The following RBFOX3 variants were observed in gnomAD, a reference collection of about 807,000 sequenced individuals.
The protein encoded by RBFOX3 is RNA binding fox-1 homolog 3, also known as RNA binding protein fox-1 homolog 3.
Under a neutral mutation model 48.7 loss-of-function variants are expected in RBFOX3, and 17 were observed. The ratio of observed to expected loss-of-function variants is 0.35; its 90% CI spans 0.24 to 0.52. The LOEUF is 0.52. Among genes scored for constraint, RBFOX3 ranks in the 20% least tolerant of loss-of-function variants. RBFOX3 has a pLI of 0.94. For synonymous variants in RBFOX3, 212 were observed against 209.5 expected (o/e 1.01, Z -0.10); for missense variants, 382 against 497.5 (o/e 0.77, Z 2.21).
chr17:79,184,124 G>C (rs1325916237), intron 4 of RBFOX3, among the ~76,000 whole-genome samples: 1 of 151,216 alleles, frequency 6.6e-6, no homozygotes, highest in Non-Finnish European at 1.5e-5. Flanking sequence ...GTAATCCGAG[G>C]GCATCTACGC....
chr17:79,166,006 G>A (rs985407684), intron 4 of RBFOX3, among the ~76,000 whole-genome samples: 1 of 152,222 alleles, frequency 6.6e-6, no homozygotes, highest in Non-Finnish European at 1.5e-5. Context: ...CACAGGCCCC[G>A]GGTTTACACA....
At chr17:79,504,393 T>A (rs1555778078) in intron 1 of RBFOX3, among the ~76,000 whole-genome samples, 1 of 152,190 alleles carries the variant, frequency 6.6e-6, no homozygotes, top group East Asian at 1.9e-4. Context: ...TTCCTCCTGT[T>A]CCTGCAACAA....
intron 2 of RBFOX3, among the ~76,000 whole-genome samples, chr17:79,446,305 C>T (rs1309862387): frequency 1.1e-4 from 16 of 152,222 alleles, no homozygotes; most frequent in Admixed American, 1.0e-3. Context: ...CTGCTCTAAG[C>T]AGGACATGGC....
rs2148183150 is a variant in RBFOX3 at position 79,390,709 on chromosome 17, T to C, written c.-174-82885A>G. On this transcript the variant is annotated intron_variant, in intron 2 of 14. Transcript: ENST00000693108. This position sits in a 1 kb window ranked among gnomAD's most constrained non-coding sequence, Gnocchi z 4.2. ...CCAGGCTGGTCTCGAACTCCTTATC[T>C]CAGACAATCTGCCCGTCTCGGCCTC... 6.6e-6 allele frequency among the ~76,000 whole-genome samples: 1 copy of C among 152,314 alleles called. No individual in the cohort carries two copies. Among genetic ancestry groups the C allele is most frequent in the African/African-American group, 2.4e-5 (1 of 41,568 alleles).
At chr17:79,600,945 A>C (rs1682014869) in intron 1 of RBFOX3, 1 of 152,204 alleles carries the variant, frequency 6.6e-6, no homozygotes, top group Non-Finnish European at 1.5e-5. Flanking sequence ...GAAGGAGGGG[A>C]GTGAGGAAGG....
At chr17:79,275,868 G>A (rs941766116) in intron 3 of RBFOX3, among the ~76,000 whole-genome samples, 6 of 152,202 alleles carry the variant, frequency 3.9e-5, no homozygotes, top group African/African-American at 1.2e-4. Context: ...TGTTCCATCC[G>A]TGGTATATAC....
At position 79,516,382 on chromosome 17, in the gene RBFOX3, C is replaced by T. The variant is rs916146580; in HGVS notation, c.-319-33784G>A. 3.4e-3 allele frequency among the ~76,000 whole-genome samples: 518 copies of T among 152,354 alleles called. 5 individuals carry two copies. The highest frequency in any genetic ancestry group is 0.012 in the African/African-American group (485 of 41,592). On this transcript the variant is annotated intron_variant, in intron 1 of 14. Transcript: ENST00000693108. ...TCTACCAGCATGCCCGGGCCTGCCC[C>T]CTGCCCTGGAGAACCAGGATACCCA...
rs145179963 is a variant in RBFOX3, at chr17:79,228,333, C to T, written c.-34+7433G>A. Among the ~76,000 whole-genome samples, 1,176 of 152,270 alleles carry T rather than the reference C, an allele frequency of 7.7e-3. 12 individuals carry two copies. Among genetic ancestry groups the T allele is most frequent in the Non-Finnish European group, 9.0e-3 (613 of 68,010 alleles). On this transcript the variant is annotated intron_variant, in intron 4 of 14. Coordinates refer to ENST00000693108, the MANE Select transcript of RBFOX3 (RefSeq NM_001350451.2). ...CTGCTCTCTGCACCGTGACGCCTCC[C>T]GCTCCCTGAAAACCAGGGAGAAATT... is the stretch of plus-strand genomic sequence containing the variant.
intron 3 of RBFOX3, among the ~76,000 whole-genome samples, chr17:79,276,796 G>A (rs1030985649): frequency 1.3e-5 from 2 of 152,198 alleles, no homozygotes; most frequent in Non-Finnish European, 2.9e-5. Context: ...AGCAGTCCAC[G>A]TGCATTGATT....
intron 2 of RBFOX3, among the ~76,000 whole-genome samples, chr17:79,455,659 TCA>T (rs1412374345): frequency 3.9e-5 from 6 of 152,042 alleles, no homozygotes; most frequent in Admixed American, 2.0e-4. Flanking sequence ...ACACATTCAT[TCA>T]CACACACACT....
At chr17:79,475,599 C>T (rs1209334228) in intron 2 of RBFOX3, among the ~76,000 whole-genome samples, 3 of 152,114 alleles carry the variant, frequency 2.0e-5, no homozygotes, top group Non-Finnish European at 4.4e-5. Flanking sequence ...AAGAGGTGGG[C>T]CCCGATCCAA....
intron 2 of RBFOX3, among the ~76,000 whole-genome samples, chr17:79,458,953 G>A (rs2149243528): frequency 6.6e-6 from 1 of 152,310 alleles, no homozygotes; most frequent in African/African-American, 2.4e-5. Context: ...CAGGAAGCTG[G>A]GGCACCTGCC....
intron 1 of RBFOX3, among the ~76,000 whole-genome samples, chr17:79,498,496 C>CCCATCCATCCACTCAT (rs2081905602): frequency 1.4e-5 from 2 of 145,950 alleles, no homozygotes; most frequent in Non-Finnish European, 3.0e-5. Context: ...CATAAGCCTA[C>CCCATCCATCCACTCAT]CCATCCATCC....
At chr17:79,453,942 G>A (rs1354550675) in intron 2 of RBFOX3, among the ~76,000 whole-genome samples, 1 of 152,162 alleles carries the variant, frequency 6.6e-6, no homozygotes, top group Non-Finnish European at 1.5e-5. Context: ...CTCAGCCCGG[G>A]GTGGACAGCA....
At chr17:79,184,054 C>G (rs1429467595) in intron 4 of RBFOX3, among the ~76,000 whole-genome samples, 2 of 152,240 alleles carry the variant, frequency 1.3e-5, no homozygotes, top group Non-Finnish European at 2.9e-5. Flanking sequence ...CGTCCTGTTT[C>G]GCGTTCAGAG....
intron 8 of RBFOX3, 40 bp from the exon 9 acceptor site, chr17:79,101,684 T>G: frequency 6.5e-7 from 1 of 1,530,308 alleles, no homozygotes; most frequent in Non-Finnish European, 8.9e-7. Flanking sequence ...GAGGGAGGAT[T>G]AGCCTCCTGG....
In RBFOX3 at chr17:79,271,319, A is replaced by G. The variant is rs540351159; in HGVS notation, c.-73-35514T>C. On this transcript the variant is annotated intron_variant, in intron 3 of 14. Transcript: ENST00000693108. Reference sequence around the variant, plus strand: ...TCGAATTCCTGACCTCAGATGATCCATGTGTCTTGGCCTCCCAAAGTGCTG... The same window carrying G: ...TCGAATTCCTGACCTCAGATGATCCGTGTGTCTTGGCCTCCCAAAGTGCTG... Among the ~76,000 whole-genome samples, 369 of 152,226 alleles carry G rather than the reference A, an allele frequency of 2.4e-3. 2 individuals carry two copies. Among genetic ancestry groups the G allele is most frequent in the Non-Finnish European group, 1.6e-3 (109 of 68,024 alleles).
chr17:79,492,307 G>C (rs999877345), intron 1 of RBFOX3, among the ~76,000 whole-genome samples: 2 of 152,088 alleles, frequency 1.3e-5, no homozygotes, highest in African/African-American at 2.4e-5. Flanking sequence ...GACACCCCCT[G>C]GTGTCACCTC....
At chr17:79,660,884 G>A in the RBFOX3 span, among the ~76,000 whole-genome samples, 1 of 152,132 alleles carries the variant, frequency 6.6e-6, no homozygotes, top group Admixed American at 6.5e-5. Context: ...CAACCCAAAT[G>A]CCCATCAATC....
Sources: allele counts gnomAD v4.1 joint callset (sites outside exome capture counted in the v4.1 genomes callset), GRCh38; gene constraint gnomAD v4.1.1; non-coding constraint Gnocchi (gnomAD v3.1); transcripts MANE v1.5; gene names NCBI Gene and HGNC (gene_info 2026-07-23, HGNC 2026-07-21).